KDM6A: variants seen among roughly 807,000 people sequenced by gnomAD.
KDM6A encodes lysine demethylase 6A, also known as lysine-specific demethylase 6A.
Under a neutral mutation model 117.6 loss-of-function variants are expected in KDM6A, and 11 were observed. The ratio of observed to expected loss-of-function variants is 0.09; its 90% CI spans 0.06 to 0.15. KDM6A has a LOEUF of 0.15. Ranked by LOEUF, KDM6A falls within the 10% of genes least tolerant of loss-of-function variation. KDM6A has a pLI of 1.00. For missense variants in KDM6A, 799 were observed against 1,077.3 expected, an observed-to-expected ratio of 0.74 and a Z score of 3.62; for synonymous variants, 384 against 396.1, an observed-to-expected ratio of 0.97 and a Z score of 0.36.
intron 3 of KDM6A, among the ~76,000 whole-genome samples, chrX:44,966,265 C>T (rs2039006277): frequency 9.1e-6 from 1 of 110,383 alleles, no homozygotes; most frequent in Non-Finnish European, 1.9e-5. Flanking sequence ...CCTCAGCCTC[C>T]TGAGTAGCTG....
chrX:45,073,365 T>TATA (rs1284478037), intron 18 of KDM6A, among the ~76,000 whole-genome samples: 1 of 111,759 alleles, frequency 8.9e-6, no homozygotes, highest in African/African-American at 3.3e-5. Flanking sequence ...TAGCATGATT[T>TATA]ATAATCCTCT....
intron 10 of KDM6A, among the ~76,000 whole-genome samples, chrX:45,057,518 C>T (rs1158608452): frequency 5.4e-5 from 6 of 111,409 alleles, no homozygotes; most frequent in Admixed American, 1.9e-4. Flanking sequence ...TGTAGCCACC[C>T]TCTTTTTTCA....
At chrX:45,054,031 G>T in intron 10 of KDM6A, 76 bp downstream of exon 10, 1 of 982,278 alleles carries the variant, frequency 1.0e-6, no homozygotes, top group Non-Finnish European at 1.5e-6. Context: ...TAAAATGTTA[G>T]TTTACATATG....
chrX:45,020,379 A>G (rs754254508), intron 5 of KDM6A, among the ~76,000 whole-genome samples: 9 of 111,594 alleles, frequency 8.1e-5, no homozygotes, highest in Non-Finnish European at 1.3e-4. Context: ...AATAAATTCA[A>G]CCTATCTTCC....
chrX:45,074,789 A>G lies in KDM6A; in HGVS notation c.2859-1908A>G, dbSNP rs141192253. Among the ~76,000 whole-genome samples the G allele has an allele frequency of 5.9e-3, 659 of 112,109 alleles. 5 individuals are homozygous for G. Among genetic ancestry groups the G allele is most frequent in the African/African-American group, 0.02 (620 of 30,970 alleles). The stretch of plus-strand genomic sequence containing the variant: ...TGAATTGTTGTCAGCTCCCTTAGTC[A>G]TGCCCCACCTTTTTCTTTTCTATTT... On this transcript the variant is annotated intron_variant, in intron 18 of 29. Transcript: ENST00000611820.
intron 2 of KDM6A, among the ~76,000 whole-genome samples, chrX:44,922,026 GC>G (rs796193749): frequency 0.09 from 335 of 3,704 alleles, 92 homozygotes; most frequent in South Asian, 0.12. Context: ...CATTGTGTGT[GC>G]CTTTTTTTTT....
chrX:45,108,211 A>G (rs775060228), intron 28 of KDM6A, among the ~76,000 whole-genome samples: 1 of 111,491 alleles, frequency 9.0e-6, no homozygotes, highest in South Asian at 3.8e-4. Context: ...AGTGATGAGA[A>G]TCGGAGGTAG....
intron 8 of KDM6A, among the ~76,000 whole-genome samples, chrX:45,049,019 T>G (rs945239713): frequency 9.0e-6 from 1 of 111,427 alleles, no homozygotes; most frequent in Non-Finnish European, 1.9e-5. Flanking sequence ...GCAGTACTGT[T>G]CAGAACATTA....
chrX:45,089,041 T>G (rs888233808), intron 25 of KDM6A, among the ~76,000 whole-genome samples: 3 of 112,027 alleles, frequency 2.7e-5, no homozygotes, highest in African/African-American at 9.7e-5. Flanking sequence ...TGTTCCTGTT[T>G]ATGGATTTAA....
chrX:45,046,254 T>C (rs2043532747), intron 8 of KDM6A, among the ~76,000 whole-genome samples: 1 of 111,978 alleles, frequency 8.9e-6, no homozygotes, highest in African/African-American at 3.2e-5. Flanking sequence ...TACCCATTTC[T>C]AATAAAAACA....
At chrX:45,106,765 G>T in intron 27 of KDM6A, 1 of 259,258 alleles carries the variant, frequency 3.9e-6, no homozygotes, top group East Asian at 1.1e-4. Flanking sequence ...AGAAAAGGTA[G>T]AAGTTATAAG....
intron 2 of KDM6A, among the ~76,000 whole-genome samples, chrX:44,912,277 A>C (rs894785400): frequency 9.1e-6 from 1 of 109,433 alleles, no homozygotes; most frequent in African/African-American, 3.3e-5. Context: ...TTTAGTAGAG[A>C]CGGGTTTCTC....
intron 2 of KDM6A, among the ~76,000 whole-genome samples, chrX:44,913,791 G>A (rs1407278765): frequency 9.1e-6 from 1 of 110,451 alleles, no homozygotes; most frequent in East Asian, 2.8e-4. Context: ...TTCCATATCA[G>A]CTGTCCTAGC....
chrX:44,972,439 T>TA (rs1173320678), intron 3 of KDM6A, among the ~76,000 whole-genome samples: 1 of 110,914 alleles, frequency 9.0e-6, no homozygotes, highest in Non-Finnish European at 1.9e-5. Flanking sequence ...CTGAACAAGA[T>TA]ACCGTTTATC....
rs1254949441 is a variant in KDM6A at position 45,104,126 on chromosome X, G to A, written c.4035-3284G>A. On this transcript the variant is annotated intron_variant, in intron 27 of 29. Transcript: ENST00000611820. ...CACAACCTCCACCTCCCGGATTCAAGCAATTCTTCTGCCTCAGCCTCCCCA... is the reference window on the plus strand; with the variant it reads ...CACAACCTCCACCTCCCGGATTCAAACAATTCTTCTGCCTCAGCCTCCCCA... Among the ~76,000 whole-genome samples, 5 of 109,015 alleles carry A rather than the reference G, an allele frequency of 4.6e-5. No homozygotes were observed. In the Admixed American group the frequency reaches 4.9e-4, roughly 11 times the overall value. 94.7% of individuals were successfully genotyped at this position (109,015 alleles called of 115,157 possible).
chrX:44,886,962 G>T (rs1479213388), intron 2 of KDM6A, among the ~76,000 whole-genome samples: 1 of 103,792 alleles, frequency 9.6e-6, no homozygotes, highest in Non-Finnish European at 2.0e-5. Context: ...TTGTAGGCAG[G>T]GTCTCACTGT....
intron 21 of KDM6A, 137 bp downstream of exon 21, chrX:45,079,488 G>A: frequency 2.1e-6 from 1 of 478,222 alleles, no homozygotes; most frequent in Non-Finnish European, 3.6e-6. Flanking sequence ...TTCTCCAGTT[G>A]TCTCGTATGT....
chrX:45,030,004 G>T (rs1291192559), intron 6 of KDM6A, among the ~76,000 whole-genome samples: 1 of 111,354 alleles, frequency 9.0e-6, no homozygotes, highest in Non-Finnish European at 1.9e-5. Flanking sequence ...GTATCCTAGA[G>T]ATCTTAAAGA....
intron 28 of KDM6A, among the ~76,000 whole-genome samples, chrX:45,109,138 TAATAAATAAATA>T (rs1174868830): frequency 6.6e-4 from 60 of 91,553 alleles, no homozygotes; most frequent in Non-Finnish European, 8.5e-4. Context: ...ATAATAATAA[TAATAAATAAATA>T]AATAAATAAA....
Sources: gnomAD v4.1 joint callset for allele counts (sites outside exome capture counted in the v4.1 genomes callset) on GRCh38, gnomAD v4.1.1 for gene constraint, MANE v1.5 for transcripts, NCBI Gene and HGNC (gene_info 2026-07-23, HGNC 2026-07-21) for gene names.